Variants in LHFPL3 observed in about 807,000 individuals in gnomAD.
LHFPL3 encodes LHFPL tetraspan subfamily member 3.
Under a neutral mutation model 19.3 loss-of-function variants are expected in LHFPL3, and 5 were observed. The ratio of observed to expected loss-of-function variants is 0.26; its 90% CI spans 0.14 to 0.54. The LOEUF is 0.54. Among genes scored for constraint, LHFPL3 ranks in the 20% least tolerant of loss-of-function variants. LHFPL3 has a pLI of 0.94. For missense variants in LHFPL3, 249 were observed against 307.4 expected, an observed-to-expected ratio of 0.81 and a Z score of 1.42; for synonymous variants, 133 against 126.2, an observed-to-expected ratio of 1.05 and a Z score of -0.36.
intron 2 of LHFPL3, among the ~76,000 whole-genome samples, chr7:104,825,886 GA>G (rs896200812): frequency 1.3e-5 from 2 of 151,818 alleles, no homozygotes; most frequent in African/African-American, 4.9e-5. Flanking sequence ...AGTTTTTTTA[GA>G]TGCCCCACCC....
chr7:104,817,634 C>T (rs962583420), intron 2 of LHFPL3, among the ~76,000 whole-genome samples: 4 of 152,140 alleles, frequency 2.6e-5, no homozygotes, highest in African/African-American at 9.7e-5. Context: ...CCCTGAGGCC[C>T]TCACATCCCT....
intron 1 of LHFPL3, among the ~76,000 whole-genome samples, chr7:104,462,136 T>C (rs1166482964): frequency 1.3e-5 from 2 of 152,228 alleles, no homozygotes; most frequent in African/African-American, 2.4e-5. Context: ...CTGAAAGAGC[T>C]TTTAAGCCAA....
At chr7:104,814,990 G>C (rs916075058) in intron 2 of LHFPL3, among the ~76,000 whole-genome samples, 1 of 152,182 alleles carries the variant, frequency 6.6e-6, no homozygotes. Flanking sequence ...GGCAGCTGCA[G>C]CTGCGCCTGG....
In LHFPL3 at chr7:104,402,088, T is replaced by TAAAA. The variant is rs11406584; in HGVS notation, c.445+72874_445+72877dup. Among the ~76,000 whole-genome samples, 4 of 132,366 alleles carry TAAAA rather than the reference T, an allele frequency of 3.0e-5. No homozygotes were observed. The East Asian group carries it at 6.5e-4, about 21-fold the overall frequency. 86.8% of individuals were successfully genotyped at this position (132,366 alleles called of 152,430 possible). On this transcript the variant is annotated intron_variant, in intron 1 of 2. Coordinates refer to ENST00000424859, the MANE Select transcript of LHFPL3 (RefSeq NM_199000.3). ...TATAATCAGAAATAACCGTATAAAC[T>TAAAA]AAAAAAAAAAAAACAAAAAACAACA...
At chr7:104,547,999 A>G (rs1794602723) in intron 1 of LHFPL3, among the ~76,000 whole-genome samples, 2 of 152,210 alleles carry the variant, frequency 1.3e-5, no homozygotes, top group Non-Finnish European at 2.9e-5. Flanking sequence ...GGTACAATAG[A>G]ACATGATTTT....
chr7:104,719,891 C>T (rs1413573593), intron 1 of LHFPL3, among the ~76,000 whole-genome samples: 2 of 152,100 alleles, frequency 1.3e-5, no homozygotes, highest in East Asian at 3.8e-4. Context: ...ATTTGTATGC[C>T]TCTGTTCCCT....
intron 2 of LHFPL3, among the ~76,000 whole-genome samples, chr7:104,766,215 T>A (rs1794453747): frequency 6.6e-6 from 1 of 152,164 alleles, no homozygotes; most frequent in African/African-American, 2.4e-5. Context: ...ATATGGGAGA[T>A]TATCTAGAGA....
intron 1 of LHFPL3, among the ~76,000 whole-genome samples, chr7:104,474,681 C>CAAAAAAAAAAAAAAAAAAAAAA (rs1295318624): frequency 1.7e-5 from 1 of 59,146 alleles, no homozygotes; most frequent in African/African-American, 6.9e-5. Context: ...ACAACAACAA[C>CAAAAAAAAAAAAAAAAAAAAAA]AACAACAAAA....
intron 1 of LHFPL3, among the ~76,000 whole-genome samples, chr7:104,375,050 T>A (rs13244850): frequency 0.24 from 36,604 of 152,100 alleles, 4,697 homozygotes; most frequent in African/African-American, 0.32. Flanking sequence ...GTAGAAATAA[T>A]AATACAGGCC....
chr7:104,777,171 T>A (rs183606216), intron 2 of LHFPL3, among the ~76,000 whole-genome samples: 6 of 152,302 alleles, frequency 3.9e-5, no homozygotes, highest in Non-Finnish European at 8.8e-5. Flanking sequence ...GAGAAAGAAG[T>A]CATCTCTCTT....
intron 1 of LHFPL3, among the ~76,000 whole-genome samples, chr7:104,345,059 T>G (rs1250492444): frequency 3.3e-5 from 5 of 152,208 alleles, no homozygotes; most frequent in African/African-American, 9.6e-5. Context: ...TGGAAGGATT[T>G]TTATACTACT....
At chr7:104,638,152 T>G (rs2193198) in intron 1 of LHFPL3, among the ~76,000 whole-genome samples, 146,981 of 152,238 alleles carry the variant, frequency 0.97, 71,111 homozygotes, top group Non-Finnish European at 1. Flanking sequence ...TTTGTGGCAA[T>G]TGTGAATGAA....
At position 104,523,934 on chromosome 7, in the gene LHFPL3, A is replaced by G. The variant is rs567966159; in HGVS notation, c.445+194710A>G. On this transcript the variant is annotated intron_variant, in intron 1 of 2. Coordinates refer to ENST00000424859, the MANE Select transcript of LHFPL3 (RefSeq NM_199000.3). ...AGCATCTCTCAGATTCATCCTAGGA[A>G]TCAATTATTTAAAAAATTCCTTCAG... Among the ~76,000 whole-genome samples, 5 of 152,338 alleles carry G rather than the reference A, an allele frequency of 3.3e-5. No individual in the cohort carries two copies. In the East Asian group the frequency reaches 9.6e-4, roughly 29 times the overall value.
At chr7:104,676,108 T>A (rs553633994) in intron 1 of LHFPL3, among the ~76,000 whole-genome samples, 1 of 152,352 alleles carries the variant, frequency 6.6e-6, no homozygotes, top group East Asian at 1.9e-4. Flanking sequence ...GACTGAGAAG[T>A]ATAGAAGAGT....
At chr7:104,594,770 G>A (rs745865459) in intron 1 of LHFPL3, among the ~76,000 whole-genome samples, 2 of 152,024 alleles carry the variant, frequency 1.3e-5, no homozygotes, top group Non-Finnish European at 2.9e-5. Flanking sequence ...TTGTTTACTT[G>A]TTTTATTTCA....
At chr7:104,836,974 G>A (rs1791109787) in intron 2 of LHFPL3, among the ~76,000 whole-genome samples, 1 of 152,138 alleles carries the variant, frequency 6.6e-6, no homozygotes, top group Admixed American at 6.5e-5. Context: ...AGTAAGATGA[G>A]GATCTTTTCT....
chr7:104,555,109 G>A (rs1311884548), intron 1 of LHFPL3, among the ~76,000 whole-genome samples: 1 of 152,126 alleles, frequency 6.6e-6, no homozygotes, highest in Non-Finnish European at 1.5e-5. Context: ...TTCTCCTCTA[G>A]AAACACCCTC....
intron 1 of LHFPL3, among the ~76,000 whole-genome samples, chr7:104,509,773 C>T (rs1793775364): frequency 6.6e-6 from 1 of 151,910 alleles, no homozygotes; most frequent in Non-Finnish European, 1.5e-5. Flanking sequence ...AAATAAAAGA[C>T]ATACAGATAC....
intron 1 of LHFPL3, among the ~76,000 whole-genome samples, chr7:104,533,196 G>A (rs1050141752): frequency 2.0e-5 from 3 of 152,074 alleles, no homozygotes; most frequent in African/African-American, 7.2e-5. Context: ...CTTGACCTCT[G>A]CCAGCACTGG....
Sources: gnomAD v4.1 joint callset for allele counts (sites outside exome capture counted in the v4.1 genomes callset) on GRCh38, gnomAD v4.1.1 for gene constraint, MANE v1.5 for transcripts, NCBI Gene and HGNC (gene_info 2026-07-23, HGNC 2026-07-21) for gene names.